The following ANK3 variants were observed in gnomAD, a reference collection of about 807,000 sequenced individuals.
The protein encoded by ANK3 is ankyrin 3.
In ANK3, 57 loss-of-function variants were observed where a neutral mutation model predicts 370.9. That is an observed-to-expected ratio of 0.15 (90% CI 0.12 to 0.19). ANK3 has a LOEUF of 0.19. Ranked by LOEUF, ANK3 falls within the 10% of genes least tolerant of loss-of-function variation. The pLI, the probability that ANK3 is intolerant of heterozygous loss-of-function variation, is 1.00. For synonymous variants in ANK3, 1,929 were observed against 1,946.3 expected (o/e 0.99, Z 0.23); for missense variants, 4,439 against 5,302.1 (o/e 0.84, Z 5.06).
At chr10:60,658,574 G>A (rs1045829166) in intron 1 of ANK3, among the ~76,000 whole-genome samples, 11 of 151,954 alleles carry the variant, frequency 7.2e-5, no homozygotes, top group East Asian at 1.9e-4. Flanking sequence ...TGTTTTAAGC[G>A]ATTATAGCTT....
chr10:60,479,904 T>C (rs751568325), intron 2 of ANK3, among the ~76,000 whole-genome samples: 2 of 152,176 alleles, frequency 1.3e-5, no homozygotes, highest in African/African-American at 4.8e-5. Context: ...TTTCTCCTTA[T>C]AGATTACTTG....
intron 1 of ANK3, among the ~76,000 whole-genome samples, chr10:60,308,138 T>C (rs1392768838): frequency 6.6e-6 from 1 of 152,164 alleles, no homozygotes; most frequent in African/African-American, 2.4e-5. Flanking sequence ...AAGCAGCCAA[T>C]TAATCTAGAT....
chr10:60,401,374 A>AAG (rs1438267243), intron 2 of ANK3, among the ~76,000 whole-genome samples: 2 of 152,336 alleles, frequency 1.3e-5, no homozygotes, highest in Non-Finnish European at 2.9e-5. Context: ...TAAGAGTGCA[A>AAG]AGATCATGTT....
At chr10:60,250,008 T>A (rs190666326) in intron 7 of ANK3, among the ~76,000 whole-genome samples, 46 of 152,360 alleles carry the variant, frequency 3.0e-4, no homozygotes, top group Non-Finnish European at 1.8e-4. Context: ...GAATTTCATA[T>A]GATGGACTAT....
intron 2 of ANK3, among the ~76,000 whole-genome samples, chr10:60,395,123 T>C (rs1344723348): frequency 6.6e-6 from 1 of 152,192 alleles, no homozygotes; most frequent in Non-Finnish European, 1.5e-5. Context: ...AATTTGGATA[T>C]GCAAATCTAC....
chr10:60,265,350 T>C (rs2097861119), intron 5 of ANK3, among the ~76,000 whole-genome samples: 1 of 152,128 alleles, frequency 6.6e-6, no homozygotes, highest in South Asian at 2.1e-4. Context: ...AATTCAGACA[T>C]AAGTGCACAC....
At chr10:60,612,604 G>T (rs1453172206) in intron 2 of ANK3, among the ~76,000 whole-genome samples, 1 of 152,266 alleles carries the variant, frequency 6.6e-6, no homozygotes, top group East Asian at 1.9e-4. Flanking sequence ...CAATTCTCCT[G>T]CCTCAGCCTC....
intron 1 of ANK3, among the ~76,000 whole-genome samples, chr10:60,730,855 A>G (rs1273976840): frequency 6.6e-6 from 1 of 152,206 alleles, no homozygotes; most frequent in Non-Finnish European, 1.5e-5. Flanking sequence ...AAGGCTAAAC[A>G]TTCCAATTAA....
intron 2 of ANK3, among the ~76,000 whole-genome samples, chr10:60,425,360 T>G (rs948419278): frequency 1.3e-5 from 2 of 152,142 alleles, no homozygotes; most frequent in African/African-American, 4.8e-5. Context: ...TTGACAAAAC[T>G]ATAAAATAAG....
At chr10:60,439,475 A>G (rs2064241207) in intron 2 of ANK3, among the ~76,000 whole-genome samples, 2 of 152,166 alleles carry the variant, frequency 1.3e-5, no homozygotes, top group Admixed American at 1.3e-4. Context: ...CAGGGCAACA[A>G]CACAGTGAGC....
At chr10:60,411,122 T>A (rs2063551655) in intron 2 of ANK3, among the ~76,000 whole-genome samples, 1 of 152,208 alleles carries the variant, frequency 6.6e-6, no homozygotes, top group Non-Finnish European at 1.5e-5. Flanking sequence ...AACTGCAGCC[T>A]CTACACCAAG....
intron 1 of ANK3, among the ~76,000 whole-genome samples, chr10:60,619,802 C>T (rs1356462873): frequency 2.0e-5 from 3 of 152,172 alleles, no homozygotes; most frequent in Non-Finnish European, 4.4e-5. Flanking sequence ...TCCTGTTTGC[C>T]GAAACTGATG....
intron 1 of ANK3, among the ~76,000 whole-genome samples, chr10:60,622,016 G>T (rs1017479076): frequency 9.9e-5 from 15 of 152,086 alleles, no homozygotes; most frequent in Non-Finnish European, 1.6e-4. Flanking sequence ...CTGAAATATT[G>T]CCTGTTTCCT....
chr10:60,436,999 G>C (rs1419011360), intron 2 of ANK3, among the ~76,000 whole-genome samples: 1 of 152,146 alleles, frequency 6.6e-6, no homozygotes, highest in Non-Finnish European at 1.5e-5. Flanking sequence ...GAGTCAGAAC[G>C]CACAGGACCC....
At chr10:60,637,974 C>T (rs1174810871) in intron 1 of ANK3, among the ~76,000 whole-genome samples, 3 of 152,076 alleles carry the variant, frequency 2.0e-5, no homozygotes, top group Admixed American at 6.6e-5. Flanking sequence ...TAGGTTGGCC[C>T]CAACTTTCTG....
intron 1 of ANK3, among the ~76,000 whole-genome samples, chr10:60,731,449 A>G (rs1378682676): frequency 6.6e-6 from 1 of 152,196 alleles, no homozygotes; most frequent in East Asian, 1.9e-4. Flanking sequence ...TTTATGTCTT[A>G]ACAAAAAGAA....
intron 1 of ANK3, among the ~76,000 whole-genome samples, chr10:60,697,185 C>T (rs1399368868): frequency 1.0e-3 from 152 of 150,540 alleles, no homozygotes; most frequent in African/African-American, 3.3e-3. Context: ...ACCTAGGAAT[C>T]CAACTTACAA....
Position 60,624,319 on chromosome 10 carries a change from A to T in ANK3, c.58-9095T>A, listed in dbSNP as rs578140824. On this transcript the variant is annotated intron_variant, in intron 1 of 43. Transcript: ENST00000373827. Reference sequence around the variant, plus strand: ...AGTCGATAAAGTACAAAGTATTTTTAAAAAAACTCTGCACACCAAGGCTTG... The same window carrying T: ...AGTCGATAAAGTACAAAGTATTTTTTAAAAAACTCTGCACACCAAGGCTTG... Among the ~76,000 whole-genome samples the T allele has an allele frequency of 2.7e-3, 408 of 152,274 alleles. 3 individuals carry two copies. Among genetic ancestry groups the T allele is most frequent in the African/African-American group, 9.0e-3 (374 of 41,562 alleles).
At position 60,720,698 on chromosome 10, in the gene ANK3, C is replaced by A. The variant is rs545754177; in HGVS notation, c.57+12565G>T. Among the ~76,000 whole-genome samples, 127 of 152,140 alleles carry A rather than the reference C, an allele frequency of 8.3e-4. 3 individuals carry two copies. The highest frequency in any genetic ancestry group is 8.8e-4 in the Non-Finnish European group (60 of 68,016). On this transcript the variant is annotated intron_variant, in intron 1 of 43. Transcript: ENST00000373827. The stretch of plus-strand genomic sequence containing the variant: ...ACAGATCACAGCTCAGTGCAGCCTC[C>A]ACATCTTGGGCTCAAGCGGTCCTCC...
Sources: allele counts gnomAD v4.1 joint callset (sites outside exome capture counted in the v4.1 genomes callset), GRCh38; gene constraint gnomAD v4.1.1; transcripts MANE v1.5; gene names NCBI Gene and HGNC (gene_info 2026-07-23, HGNC 2026-07-21).